The following ARSF variants were observed in gnomAD, a reference collection of about 807,000 sequenced individuals.
ARSF encodes the protein arylsulfatase F.
ARSF carries 33 observed loss-of-function variants against 35.4 expected under a neutral mutation model. The ratio of observed to expected loss-of-function variants is 0.93; its 90% CI spans 0.71 to 1.25. ARSF has a LOEUF of 1.25. Ranked by LOEUF, ARSF falls within the 50% of genes most tolerant of loss-of-function variation. The pLI is 0.00. For missense variants in ARSF, 501 were observed against 480.2 expected, an observed-to-expected ratio of 1.04 and a Z score of -0.40; for synonymous variants, 222 against 193.1, an observed-to-expected ratio of 1.15 and a Z score of -1.24.
rs1157511929 is a variant in ARSF, at chrX:3,073,532, T to TATA, written c.161+1358_161+1359insTAA. Among the ~76,000 whole-genome samples the TATA allele has an allele frequency of 6.4e-3, 573 of 89,535 alleles. 35 individuals carry two copies. The highest frequency in any genetic ancestry group is 0.017 in the African/African-American group (342 of 20,166). 77.8% of individuals were successfully genotyped at this position (89,535 alleles called of 115,157 possible). ...CTGATCTGATCACTATACTATATAT[T>TATA]AATAAATAAATATATATTATTTATT... On this transcript the variant is annotated intron_variant, in intron 3 of 10. Transcript: ENST00000381127.
intron 9 of ARSF, among the ~76,000 whole-genome samples, chrX:3,108,168 C>A (rs184583037): frequency 6.2e-5 from 7 of 112,037 alleles, no homozygotes; most frequent in Admixed American, 3.8e-4. Context: ...TCCATTGAAA[C>A]CCTTATTTCA....
chrX:3,109,301 A>C (rs1308737551), intron 9 of ARSF, among the ~76,000 whole-genome samples: 1 of 111,461 alleles, frequency 9.0e-6, no homozygotes, highest in Non-Finnish European at 1.9e-5. Flanking sequence ...CCTGGGAAAC[A>C]AGAGTGAAAC....
intron 7 of ARSF, among the ~76,000 whole-genome samples, chrX:3,098,799 G>C (rs764690797): frequency 9.0e-6 from 1 of 111,067 alleles, no homozygotes; most frequent in South Asian, 3.8e-4. Context: ...GCAGGAAATT[G>C]GTGGTCTTTA....
intron 8 of ARSF, among the ~76,000 whole-genome samples, chrX:3,101,983 A>C (rs1253094622): frequency 8.9e-6 from 1 of 111,817 alleles, no homozygotes; most frequent in East Asian, 2.8e-4. Flanking sequence ...ATTCGGTAGG[A>C]AATTATAATT....
chrX:3,063,298 C>T (rs1435855434), intron 1 of ARSF, among the ~76,000 whole-genome samples: 2 of 111,356 alleles, frequency 1.8e-5, no homozygotes, highest in East Asian at 2.8e-4. Flanking sequence ...ATTGATGGGA[C>T]GTATCTCAAA....
rs768146805 is a variant in ARSF at position 3,112,664 on chromosome X, T to C, written c.*108T>C. ...TTGGTGCTTTCAAGTTGGCAAGGAG[T>C]GCATTTAATAGTCAATAAATTCATC... is the stretch of plus-strand genomic sequence containing the variant. On this transcript the variant is annotated 3_prime_UTR_variant, in exon 11 of 11. Transcript: ENST00000381127. The C allele has an allele frequency of 4.7e-5, 48 of 1,020,417 alleles. No homozygotes were observed. In the African/African-American group the frequency reaches 7.7e-4, roughly 16 times the overall value. 84.1% of individuals were successfully genotyped at this position (1,020,417 alleles called of 1,213,427 possible). A position where few individuals can be genotyped will look rare whatever the true frequency, so the allele number is the denominator to read the frequency against.
chrX:3,084,708 T>C (rs752644527), intron 6 of ARSF, 42 bp downstream of exon 6: 34 of 1,108,953 alleles, frequency 3.1e-5, no homozygotes, highest in Non-Finnish European at 3.9e-5. Flanking sequence ...ATGATAATGA[T>C]CTCTTTTTTA....
chrX:3,060,547 AG>A (rs768839205), intron 1 of ARSF, among the ~76,000 whole-genome samples: 1 of 111,737 alleles, frequency 8.9e-6, no homozygotes, highest in Admixed American at 9.6e-5. Flanking sequence ...ACCCATCGCA[AG>A]GACGCTAAAA....
intron 1 of ARSF, among the ~76,000 whole-genome samples, chrX:3,052,159 C>T (rs1345781994): frequency 8.9e-6 from 1 of 112,021 alleles, no homozygotes; most frequent in African/African-American, 3.2e-5. Context: ...GCTTCCTTGT[C>T]AACTGCACTT....
At chrX:3,040,721 C>A (rs1487853190), upstream of ARSF, among the ~76,000 whole-genome samples, 1 of 110,610 alleles carries the variant, frequency 9.0e-6, no homozygotes, top group Non-Finnish European at 1.9e-5. Context: ...TGTGCAGTGA[C>A]CCTACAGGGA....
intron 5 of ARSF, 21 bp from the exon 6 acceptor site, chrX:3,084,222 T>A: frequency 8.3e-7 from 1 of 1,205,485 alleles, no homozygotes; most frequent in Non-Finnish European, 1.1e-6. Context: ...TGCGTAGATG[T>A]GTTTGTGTGT....
chrX:3,075,865 C>T (rs1374077538), intron 3 of ARSF, among the ~76,000 whole-genome samples: 2 of 94,702 alleles, frequency 2.1e-5, no homozygotes, highest in African/African-American at 7.7e-5. Flanking sequence ...CTGTCTCTCT[C>T]TTCCTCTCTT....
rs993135862 is a variant in ARSF at position 3,110,142 on chromosome X, G to A, written c.1280G>A (p.Arg427Gln). Residue 427 changes from arginine to glutamine, a missense_variant, in exon 10 of 11, where the codon CGA (arginine) becomes CAA (glutamine). Transcript: ENST00000381127. ...SLPQDRVIDGRDLMPLLQGNV... is the reference protein window; with the variant it reads ...SLPQDRVIDGQDLMPLLQGNV... ...TGTCTCTGCAGGGTCATTGACGGCC[G>A]AGACCTCATGCCCTTGCTGCAGGGC... 11 of 1,189,224 alleles carry A rather than the reference G, an allele frequency of 9.2e-6. No individual in the cohort carries two copies. The highest frequency in any genetic ancestry group is 1.1e-5 in the Non-Finnish European group (10 of 884,121).
intron 10 of ARSF, 99 bp from the exon 11 acceptor site, chrX:3,112,075 G>A (rs1410079133): frequency 1.5e-6 from 1 of 669,967 alleles, no homozygotes; most frequent in African/African-American, 2.2e-5. Context: ...CCAGTTTGTG[G>A]CCTGGGGACT....
intron 9 of ARSF, among the ~76,000 whole-genome samples, chrX:3,108,877 A>G (rs1000262935): frequency 1.2e-4 from 13 of 110,386 alleles, no homozygotes; most frequent in African/African-American, 3.6e-4. Context: ...TTAGCCAGGC[A>G]TGGTGGCACA....
chrX:3,071,757 G>T (rs889143417), intron 2 of ARSF, among the ~76,000 whole-genome samples: 2 of 111,767 alleles, frequency 1.8e-5, no homozygotes, highest in African/African-American at 6.5e-5. Context: ...CAGTATAAAA[G>T]GATTCCCTTT....
Position 3,072,138 on chromosome X carries a change from A to G in ARSF, c.124A>G (p.Ile42Val). 10 of 1,202,622 alleles carry G rather than the reference A, an allele frequency of 8.3e-6. No individual in the cohort carries two copies. The highest frequency in any genetic ancestry group is 2.3e-4 in the Middle Eastern group (1 of 4,352). The stretch of plus-strand genomic sequence containing the variant: ...CCTAATCATGGTTGATGACCTGGGT[A>G]TTGGAGATCTGGGCTGCTACGGCAA... ...IVLIMVDDLG[I>V]GDLGCYGNDT... is the part of the protein sequence containing the mutation. The change falls in exon 3 of 11, where the codon ATT (isoleucine) becomes GTT (valine). Residue 42 changes from isoleucine to valine, a missense_variant. Coordinates refer to ENST00000381127, the MANE Select transcript of ARSF (RefSeq NM_001201539.2).
At position 3,055,526 on chromosome X, in the gene ARSF, A is replaced by G. The variant is rs1300564956; in HGVS notation, c.-28-12547A>G. Among the ~76,000 whole-genome samples the G allele has an allele frequency of 4.5e-5, 5 of 110,421 alleles. No homozygotes were observed. In the East Asian group the frequency reaches 1.4e-3, roughly 32 times the overall value. Reference sequence around the variant, plus strand: ...ATCAAGGAAACCTCCAAGTTAACACAGAAATACGTATATATGGTGAATGCT... The same window carrying G: ...ATCAAGGAAACCTCCAAGTTAACACGGAAATACGTATATATGGTGAATGCT... On this transcript the variant is annotated intron_variant, in intron 1 of 10. Coordinates refer to ENST00000381127, the MANE Select transcript of ARSF (RefSeq NM_001201539.2).
intron 1 of ARSF, among the ~76,000 whole-genome samples, chrX:3,063,153 T>C (rs1185471908): frequency 1.8e-5 from 2 of 111,651 alleles, no homozygotes; most frequent in African/African-American, 6.5e-5. Context: ...GTTCAACATA[T>C]GCAAATCAGT....
Sources: gnomAD v4.1 joint callset for allele counts (sites outside exome capture counted in the v4.1 genomes callset) on GRCh38, gnomAD v4.1.1 for gene constraint, MANE v1.5 for transcripts, NCBI Gene and HGNC (gene_info 2026-07-23, HGNC 2026-07-21) for gene names.